The following PRRC2B variants were observed in gnomAD, a reference collection of about 807,000 sequenced individuals.
PRRC2B encodes proline rich coiled-coil 2B.
PRRC2B carries 68 observed loss-of-function variants against 242.3 expected under a neutral mutation model. That is an observed-to-expected ratio of 0.28 (90% CI 0.23 to 0.34). PRRC2B has a LOEUF of 0.34. PRRC2B is among the 10% of genes least tolerant of loss of function. The pLI is 1.00. For synonymous variants in PRRC2B, 1,228 were observed against 1,173.6 expected (o/e 1.05, Z -0.95); for missense variants, 2,835 against 2,954.8 (o/e 0.96, Z 0.94).
At chr9:131,438,929 C>A in intron 4 of PRRC2B, 60 bp from the exon 5 acceptor site, 1 of 1,320,342 alleles carries the variant, frequency 7.6e-7, no homozygotes, top group Non-Finnish European at 1.1e-6. Context: ...TTGTAATAGG[C>A]TGTTATTGTA....
chr9:131,472,564 C>T (rs1274985383), intron 14 of PRRC2B, among the ~76,000 whole-genome samples: 2 of 149,764 alleles, frequency 1.3e-5, no homozygotes, highest in Non-Finnish European at 3.0e-5. Context: ...GCAACCTCCA[C>T]CTCCCGGGTT....
At chr9:131,451,326 G>C (rs1219916106) in intron 9 of PRRC2B, among the ~76,000 whole-genome samples, 1 of 152,152 alleles carries the variant, frequency 6.6e-6, no homozygotes, top group South Asian at 2.1e-4. Flanking sequence ...TTGAACTCGG[G>C]AGGCGGAGGT....
Position 131,430,102 on chromosome 9 carries a change from C to A in PRRC2B, c.-43C>A, listed in dbSNP as rs754785090. ...CTCTATTTCAAAGGCAGATCGGGAG[C>A]GGTGCCGAGAAAAATTTCCTTACTA... is the stretch of plus-strand genomic sequence containing the variant. On this transcript the variant is annotated 5_prime_UTR_variant, in exon 2 of 32. Coordinates refer to ENST00000683519, the MANE Select transcript of PRRC2B (RefSeq NM_013318.4). The A allele has an allele frequency of 2.0e-6, 2 of 1,012,858 alleles. No homozygotes were observed. The highest frequency in any genetic ancestry group is 2.9e-5 in the South Asian group (2 of 67,850). 62.7% of individuals were successfully genotyped at this position (1,012,858 alleles called of 1,614,324 possible).
chr9:131,437,149 G>C (rs1838401145), intron 4 of PRRC2B, among the ~76,000 whole-genome samples: 1 of 152,128 alleles, frequency 6.6e-6, no homozygotes, highest in Non-Finnish European at 1.5e-5. Flanking sequence ...ACAAAACGAA[G>C]CGAGCTCCTT....
Position 131,474,558 on chromosome 9 carries a change from A to C in PRRC2B, c.2429A>C (p.Lys810Thr). 1 of 1,614,008 alleles carries C rather than the reference A, an allele frequency of 6.2e-7. No individual in the cohort carries two copies. Among genetic ancestry groups the C allele is most frequent in the Non-Finnish European group, 8.5e-7 (1 of 1,179,900 alleles). The change falls in exon 16 of 32, where the codon AAG becomes ACG. Residue 810 changes from lysine to threonine, a missense_variant. By Grantham distance (78) the Lys-to-Thr change is moderately conservative. Around this residue, in one of 7 missense-constraint regions of PRRC2B, gnomAD observed 1,536 missense variants for 1,483.1 expected, o/e 1.04. Coordinates refer to ENST00000683519, the MANE Select transcript of PRRC2B (RefSeq NM_013318.4). ...GAGGAGTACTTGAGTGCTTTTGACA[A>C]GAAGGCCCAAGCAGACTTTGACAGC... Reference protein sequence around the residue: ...RGEEYLSAFDKKAQADFDSCI... With the variant: ...RGEEYLSAFDTKAQADFDSCI...
intron 23 of PRRC2B, 74 bp from the exon 24 acceptor site, chr9:131,484,612 A>C (rs1325963591): frequency 8.5e-7 from 1 of 1,179,530 alleles, no homozygotes; most frequent in Admixed American, 2.1e-5. Flanking sequence ...TGTTCAGGAG[A>C]GCCATGGATG....
At chr9:131,418,379 A>G (rs1446408372) in intron 1 of PRRC2B, among the ~76,000 whole-genome samples, 1 of 152,192 alleles carries the variant, frequency 6.6e-6, no homozygotes, top group African/African-American at 2.4e-5. Context: ...GTGTTTACCT[A>G]GAGGTTAGGT....
At chr9:131,401,814 C>T (rs542616992) in intron 1 of PRRC2B, among the ~76,000 whole-genome samples, 9 of 149,186 alleles carry the variant, frequency 6.0e-5, no homozygotes, top group Non-Finnish European at 8.9e-5. Flanking sequence ...GCGCCTGCCA[C>T]CATGCCCAGC....
chr9:131,458,487 C>A (rs1306253852), intron 10 of PRRC2B, among the ~76,000 whole-genome samples: 2 of 139,702 alleles, frequency 1.4e-5, no homozygotes, highest in Non-Finnish European at 3.1e-5. Context: ...GAAAAAATAC[C>A]TCATAATGTG....
intron 1 of PRRC2B, among the ~76,000 whole-genome samples, chr9:131,380,337 C>A (rs943226943): frequency 2.0e-5 from 3 of 151,838 alleles, no homozygotes; most frequent in African/African-American, 4.8e-5. Flanking sequence ...CAGCACTTTG[C>A]GAGGCCGAGG....
chr9:131,408,387 T>C (rs996132573), intron 1 of PRRC2B, among the ~76,000 whole-genome samples: 4 of 152,206 alleles, frequency 2.6e-5, no homozygotes, highest in South Asian at 2.1e-4. Flanking sequence ...ACATGTTCAG[T>C]TGGACATTTC....
rs1838815953 is a variant in PRRC2B, at chr9:131,446,790, C to T, written c.855+148C>T. 7 of 984,382 alleles carry T rather than the reference C, an allele frequency of 7.1e-6. No homozygotes were observed. In the South Asian group the frequency reaches 1.2e-4, roughly 17 times the overall value. The allele number at this position is 984,382 out of a possible 1,614,324, so 61.0% of individuals were successfully genotyped here. On this transcript the variant is annotated intron_variant, in intron 7 of 31. Coordinates refer to ENST00000683519, the MANE Select transcript of PRRC2B (RefSeq NM_013318.4). This position sits in a 1 kb window ranked among gnomAD's most constrained non-coding sequence, Gnocchi z 4.1. Reference sequence around the variant, plus strand: ...TTCCACTCGTTTTGCATTTTCTCTCCCTGCTTTTTAAATCTTCAGGGCCTC... The same window carrying T: ...TTCCACTCGTTTTGCATTTTCTCTCTCTGCTTTTTAAATCTTCAGGGCCTC...
intron 3 of PRRC2B, among the ~76,000 whole-genome samples, chr9:131,435,633 AAAAAAG>A (rs1404017091): frequency 2.0e-5 from 2 of 99,922 alleles, no homozygotes; most frequent in Admixed American, 1.0e-4. Flanking sequence ...AAAAAAAAAA[AAAAAAG>A]CCAAAAAATT....
At chr9:131,440,400 T>G (rs1477880645) in intron 5 of PRRC2B, among the ~76,000 whole-genome samples, 2 of 152,088 alleles carry the variant, frequency 1.3e-5, no homozygotes, top group African/African-American at 2.4e-5. Context: ...CTCCATAAGG[T>G]TAGAATTTTT....
rs7858646 is a variant in PRRC2B at position 131,475,836 on chromosome 9, G to C, written c.3707G>C (p.Trp1236Ser). The change falls in exon 16 of 32, where the codon TGG becomes TCG. Residue 1236 changes from tryptophan to serine, a missense_variant. Trp to Ser is a radical substitution (Grantham distance 177). Transcript: ENST00000683519. ...CAGAGCAAAAGTCCAGGCAGCTCTT[G>C]GCAGGAATATGGCCCTTCCGACACA... ...HWQSKSPGSS[W>S]QEYGPSDTCG... 7.4e-6 allele frequency: 12 copies of C among 1,612,852 alleles called. No homozygotes were observed. Among genetic ancestry groups the C allele is most frequent in the African/African-American group, 2.7e-5 (2 of 74,924 alleles).
Position 131,484,675 on chromosome 9 carries a change from C to T in PRRC2B, c.5461-11C>T. The T allele has an allele frequency of 6.3e-7, 1 of 1,587,524 alleles. No individual in the cohort carries two copies. Among genetic ancestry groups the T allele is most frequent in the Non-Finnish European group, 8.6e-7 (1 of 1,166,708 alleles). ...GTTTGTGTTCCATGGTTTCCTTTTCCTCCTCTCCAGGCAGGGTTAACACAG... is the reference window on the plus strand; with the variant it reads ...GTTTGTGTTCCATGGTTTCCTTTTCTTCCTCTCCAGGCAGGGTTAACACAG... On this transcript the variant is annotated splice_polypyrimidine_tract_variant and intron_variant, in intron 23 of 31. Transcript: ENST00000683519.
chr9:131,460,221 A>G (rs1943203757), intron 11 of PRRC2B, among the ~76,000 whole-genome samples: 1 of 152,150 alleles, frequency 6.6e-6, no homozygotes, highest in Admixed American at 6.5e-5. Flanking sequence ...GGCCCCATTC[A>G]GCTTTTACCA....
intron 1 of PRRC2B, among the ~76,000 whole-genome samples, chr9:131,411,439 C>T (rs529307817): frequency 9.4e-5 from 14 of 149,342 alleles, no homozygotes; most frequent in African/African-American, 2.9e-4. Context: ...CTCCACCTCC[C>T]GGGTTCACTC....
intron 14 of PRRC2B, among the ~76,000 whole-genome samples, chr9:131,473,294 C>T (rs1943594254): frequency 6.6e-6 from 1 of 152,186 alleles, no homozygotes; most frequent in Non-Finnish European, 1.5e-5. Context: ...CTTCCTTGGA[C>T]AGGTCTTTGA....
Sources: gnomAD v4.1 joint callset for allele counts (sites outside exome capture counted in the v4.1 genomes callset) on GRCh38, gnomAD v4.1.1 for gene constraint, gnomAD v4.1.1 regional missense constraint, Gnocchi (gnomAD v3.1) non-coding constraint, MANE v1.5 for transcripts, NCBI Gene and HGNC (gene_info 2026-07-23, HGNC 2026-07-21) for gene names.